The following PRMT7 variants were observed in gnomAD, a reference collection of about 807,000 sequenced individuals.
PRMT7 encodes the protein protein arginine methyltransferase 7, also known as protein arginine N-methyltransferase 7.
Under a neutral mutation model 85.4 loss-of-function variants are expected in PRMT7, and 75 were observed. The observed-to-expected ratio is 0.88, with a 90% confidence interval of 0.73 to 1.06. PRMT7 has a LOEUF of 1.06. Ranked by LOEUF, PRMT7 falls within the 50% of genes least tolerant of loss-of-function variation. PRMT7 has a pLI of 0.00. For synonymous variants in PRMT7, 397 were observed against 359.5 expected (o/e 1.10, Z -1.18); for missense variants, 868 against 915.2 (o/e 0.95, Z 0.67).
chr16:68,344,327 C>T (rs756220650), intron 9 of PRMT7, among the ~76,000 whole-genome samples: 29 of 152,240 alleles, frequency 1.9e-4, no homozygotes, highest in African/African-American at 4.3e-4. Context: ...CAATTATGAG[C>T]GAAATAAACC....
chr16:68,320,407 A>G (rs1374213031), intron 3 of PRMT7, among the ~76,000 whole-genome samples: 1 of 152,224 alleles, frequency 6.6e-6, no homozygotes. Flanking sequence ...ACAGCAAGCC[A>G]GTGATAAGCA....
Position 68,357,458 on chromosome 16 carries a change from G to A in PRMT7, c.*234G>A, listed in dbSNP as rs147448213. Reference sequence around the variant, plus strand: ...TTTGGAGCCCTGGAGGGGCTGGGAAGACCCCCCTGCTTGTGCTTCTGAGGT... The same window carrying A: ...TTTGGAGCCCTGGAGGGGCTGGGAAAACCCCCCTGCTTGTGCTTCTGAGGT... On this transcript the variant is annotated 3_prime_UTR_variant, in exon 19 of 19. Coordinates refer to ENST00000441236, the MANE Select transcript of PRMT7 (RefSeq NM_019023.5). 1,828 of 511,290 alleles carry A rather than the reference G, an allele frequency of 3.6e-3. 29 individuals are homozygous for A. Among genetic ancestry groups the A allele is most frequent in the African/African-American group, 0.032 (1,634 of 51,350 alleles). 31.7% of individuals were successfully genotyped at this position (511,290 alleles called of 1,614,324 possible).
At position 68,339,379 on chromosome 16, in the gene PRMT7, G is replaced by A. The variant is rs373343581; in HGVS notation, c.562G>A (p.Gly188Arg). ...CGTCTATGCACAGCTGGTGGAGTCC[G>A]GGAGGATGTGGTCGTGGAACAAGCT... ...ATVYAQLVES[G>R]RMWSWNKLFP... Residue 188 changes from glycine (G) to arginine (R), a missense_variant, in exon 8 of 19, where the codon GGG becomes AGG. Coordinates refer to ENST00000441236, the MANE Select transcript of PRMT7 (RefSeq NM_019023.5). The A allele has an allele frequency of 4.5e-5, 73 of 1,614,032 alleles. No individual in the cohort carries two copies. The highest frequency in any genetic ancestry group is 1.3e-4 in the South Asian group (12 of 91,080).
At chr16:68,315,803 T>A in intron 2 of PRMT7, 94 bp from the exon 3 acceptor site, 2 of 623,522 alleles carry the variant, frequency 3.2e-6, no homozygotes, top group Non-Finnish European at 5.8e-6. Context: ...TTGTCTCCCC[T>A]TCCCCCCTCC....
chr16:68,349,038 G>A (rs963460891), intron 14 of PRMT7, among the ~76,000 whole-genome samples: 12 of 152,064 alleles, frequency 7.9e-5, no homozygotes, highest in Non-Finnish European at 5.9e-5. Context: ...CCTCTCCACC[G>A]CACTCCTGTC....
Position 68,352,394 on chromosome 16 carries a change from G to T in PRMT7, c.1560G>T (p.Val520=), listed in dbSNP as rs1387971603. 2 of 1,604,720 alleles carry T rather than the reference G, an allele frequency of 1.2e-6. No individual in the cohort carries two copies. The stretch of plus-strand genomic sequence containing the variant: ...CCCAGGCAGCCTCGCTGCACGCTGT[G>T]GTTGTGGAGTTCAGGGTAGGCCACC... ...VMPQAASLHA[V]VVEFRDLWRI... The change falls in exon 15 of 19, where the codon GTG becomes GTT. Residue 520 remains valine, a synonymous_variant. Coordinates refer to ENST00000441236, the MANE Select transcript of PRMT7 (RefSeq NM_019023.5).
chr16:68,337,681 A>G, intron 7 of PRMT7, 110 bp downstream of exon 7: 1 of 517,210 alleles, frequency 1.9e-6, no homozygotes. Flanking sequence ...CCTCTGATAC[A>G]CCTGGGACAC....
At position 68,313,320 on chromosome 16, in the gene PRMT7, G is replaced by A. The variant is rs542799732; in HGVS notation, c.-84+1144G>A. Among the ~76,000 whole-genome samples the A allele has an allele frequency of 1.5e-4, 23 of 152,232 alleles. No homozygotes were observed. The East Asian group carries it at 3.7e-3, about 24-fold the overall frequency. ...AGGCACATGAACACCCAGTCATCAC[G>A]CTTATGAACTACAAAACGATGACTC... On this transcript the variant is annotated intron_variant, in intron 2 of 18. Coordinates refer to ENST00000441236, the MANE Select transcript of PRMT7 (RefSeq NM_019023.5).
chr16:68,350,666 G>A (rs112086779), intron 14 of PRMT7, among the ~76,000 whole-genome samples: 14 of 152,322 alleles, frequency 9.2e-5, no homozygotes, highest in African/African-American at 3.4e-4. Context: ...ATAAGGTTGT[G>A]TAACCATCAC....
At chr16:68,336,893 C>G (rs1479936493) in intron 6 of PRMT7, among the ~76,000 whole-genome samples, 2 of 152,322 alleles carry the variant, frequency 1.3e-5, no homozygotes, top group South Asian at 4.1e-4. Context: ...GCTGGGGTTA[C>G]AGGCGTGTGC....
At chr16:68,333,462 CAA>C (rs1389521734) in intron 6 of PRMT7, among the ~76,000 whole-genome samples, 1 of 139,560 alleles carries the variant, frequency 7.2e-6, no homozygotes, top group Admixed American at 7.3e-5. Context: ...GCCTGGGCAA[CAA>C]GAGCAAAATT....
Position 68,355,991 on chromosome 16 carries a change from G to T in PRMT7, c.1811+108G>T, listed in dbSNP as rs145192919. 2.0e-4 allele frequency: 239 copies of T among 1,209,024 alleles called. No individual in the cohort carries two copies. The African/African-American group carries it at 3.2e-3, about 16-fold the overall frequency. The allele number at this position is 1,209,024 out of a possible 1,614,324, so 74.9% of individuals were successfully genotyped here. A position where few individuals can be genotyped will look rare whatever the true frequency, so the allele number is the denominator to read the frequency against. On this transcript the variant is annotated intron_variant, in intron 17 of 18. Coordinates refer to ENST00000441236, the MANE Select transcript of PRMT7 (RefSeq NM_019023.5). ...CTGGGAGACGCTGACACGTGGAGGG[G>T]GTATTCGTCCTCCCCACAACCTTGC...
Position 68,352,307 on chromosome 16 carries a change from C to T in PRMT7, c.1473C>T (p.Leu491=), listed in dbSNP as rs2087518067. ...CCAGCCTGCTGCCGTGGCACAACCT[C>T]TACTTCTGGTACGTGCGGACCGCTG... ...FTTSLLPWHN[L]YFWYVRTAVD... The change falls in exon 15 of 19, where the codon CTC becomes CTT. Residue 491 remains leucine (L), a synonymous_variant. Transcript: ENST00000441236. 1.9e-6 allele frequency: 3 copies of T among 1,613,660 alleles called. No homozygotes were observed. The highest frequency in any genetic ancestry group is 2.5e-6 in the Non-Finnish European group (3 of 1,180,026).
chr16:68,348,333 C>G lies in PRMT7; in HGVS notation c.1324-9C>G. 2 of 1,581,376 alleles carry G rather than the reference C, an allele frequency of 1.3e-6. No individual in the cohort carries two copies. The highest frequency in any genetic ancestry group is 1.7e-6 in the Non-Finnish European group (2 of 1,152,028). On this transcript the variant is annotated splice_polypyrimidine_tract_variant and intron_variant, in intron 13 of 18. Coordinates refer to ENST00000441236, the MANE Select transcript of PRMT7 (RefSeq NM_019023.5). ...ATGAATACAGTAATTTTACGGTTTT[C>G]TTTCTAAGATCTTCAAGGCTAACCA...
chr16:68,359,446 A>G (rs1214164433), downstream of PRMT7: 1 of 152,656 alleles, frequency 6.6e-6, no homozygotes, highest in Non-Finnish European at 1.5e-5. Flanking sequence ...GTGAGTTCAG[A>G]CAGGCCAGTG....
At chr16:68,322,536 G>C (rs749634002) in intron 4 of PRMT7, 46 of 308,076 alleles carry the variant, frequency 1.5e-4, no homozygotes, top group Non-Finnish European at 2.8e-4. Flanking sequence ...CTTTGTTCTA[G>C]TCTAGGGTTA....
At chr16:68,347,150 C>G (rs781074170) in intron 11 of PRMT7, 61 bp from the exon 12 acceptor site, 21 of 1,477,438 alleles carry the variant, frequency 1.4e-5, no homozygotes, top group Admixed American at 1.0e-4. Flanking sequence ...GACAGCTTGC[C>G]AGCAGGAATC....
intron 6 of PRMT7, among the ~76,000 whole-genome samples, chr16:68,333,811 C>T (rs1021242064): frequency 6.6e-6 from 1 of 152,024 alleles, no homozygotes; most frequent in Non-Finnish European, 1.5e-5. Context: ...GTGGCTCTGT[C>T]GCCCAGGCTG....
rs368056649 is a variant in PRMT7 at position 68,339,998 on chromosome 16, G to C, written c.927+30G>C. On this transcript the variant is annotated intron_variant, in intron 9 of 18. Transcript: ENST00000441236. Reference sequence around the variant, plus strand: ...GAGGCAGGAGCCTAGCATGTGCCCTGTCAGGAAACTTGTCCACTGCTGTTC... The same window carrying C: ...GAGGCAGGAGCCTAGCATGTGCCCTCTCAGGAAACTTGTCCACTGCTGTTC... The C allele has an allele frequency of 3.7e-5, 58 of 1,570,314 alleles. No homozygotes were observed. The African/African-American group carries it at 5.1e-4, about 14-fold the overall frequency.
Sources: gnomAD v4.1 joint callset for allele counts (sites outside exome capture counted in the v4.1 genomes callset) on GRCh38, gnomAD v4.1.1 for gene constraint, MANE v1.5 for transcripts, NCBI Gene and HGNC (gene_info 2026-07-23, HGNC 2026-07-21) for gene names.